SPTLC2: variants seen among roughly 807,000 people sequenced by gnomAD.
SPTLC2 encodes the protein serine palmitoyltransferase 2.
A neutral mutation model predicts 62.0 loss-of-function variants in SPTLC2; 21 were observed. The ratio of observed to expected loss-of-function variants is 0.34; its 90% CI spans 0.24 to 0.49. SPTLC2 has a LOEUF of 0.49. Among genes scored for constraint, SPTLC2 ranks in the 20% least tolerant of loss-of-function variants. SPTLC2 has a pLI of 0.99. For missense variants in SPTLC2, 511 were observed against 713.0 expected (o/e 0.72, Z 3.23); for synonymous variants, 261 against 261.8 (o/e 1.00, Z 0.03).
chr14:77,548,745 C>T (rs1566776370), intron 9 of SPTLC2, among the ~76,000 whole-genome samples: 2 of 152,036 alleles, frequency 1.3e-5, no homozygotes, highest in Non-Finnish European at 2.9e-5. Flanking sequence ...AGGATAGAAA[C>T]TGGAGGGGAA....
At chr14:77,543,954 T>A (rs1488629481) in intron 9 of SPTLC2, among the ~76,000 whole-genome samples, 2 of 152,030 alleles carry the variant, frequency 1.3e-5, no homozygotes, top group African/African-American at 2.4e-5. Flanking sequence ...TCAATTACCA[T>A]CAATCAGTAG....
chr14:77,572,098 T>A (rs2079687173), intron 4 of SPTLC2, among the ~76,000 whole-genome samples: 1 of 152,228 alleles, frequency 6.6e-6, no homozygotes, highest in African/African-American at 2.4e-5. Flanking sequence ...GAGCACTTTA[T>A]AAAATATCAA....
At chr14:77,608,420 T>C (rs1269805489) in intron 1 of SPTLC2, among the ~76,000 whole-genome samples, 1 of 152,180 alleles carries the variant, frequency 6.6e-6, no homozygotes, top group Non-Finnish European at 1.5e-5. Context: ...GAAATAAAAC[T>C]GTATTCAACA....
intron 3 of SPTLC2, among the ~76,000 whole-genome samples, chr14:77,577,473 T>C (rs1332619491): frequency 6.6e-6 from 1 of 152,168 alleles, no homozygotes; most frequent in East Asian, 1.9e-4. Context: ...GATTTTGAGA[T>C]TATTAACACA....
At chr14:77,592,141 CTT>C (rs913202292) in intron 2 of SPTLC2, among the ~76,000 whole-genome samples, 25 of 143,474 alleles carry the variant, frequency 1.7e-4, no homozygotes, top group Admixed American at 1.5e-3. Context: ...TAGTACGCTA[CTT>C]TTTTTTTTTT....
chr14:77,587,759 A>AAAT (rs59005485), intron 2 of SPTLC2, among the ~76,000 whole-genome samples: 9,721 of 145,046 alleles, frequency 0.067, 804 homozygotes, highest in African/African-American at 0.2. Flanking sequence ...CTCTGTCTCA[A>AAAT]AATAATAATA....
chr14:77,599,351 T>A (rs1043920235), intron 1 of SPTLC2, among the ~76,000 whole-genome samples: 1 of 152,218 alleles, frequency 6.6e-6, no homozygotes, highest in East Asian at 1.9e-4. Flanking sequence ...TCTCAGGCAA[T>A]CTGATCAGAG....
chr14:77,515,258 C>T (rs2079352651), intron 11 of SPTLC2, among the ~76,000 whole-genome samples: 1 of 152,178 alleles, frequency 6.6e-6, no homozygotes, highest in South Asian at 2.1e-4. Context: ...TATTCCCTGC[C>T]AGTTCCATAT....
rs956607546 is a variant in SPTLC2, at chr14:77,596,375, T to C, written c.327+811A>G. 6.2e-5 allele frequency among the ~76,000 whole-genome samples: 9 copies of C among 144,024 alleles called. No individual in the cohort carries two copies. The South Asian group carries it at 1.9e-3, about 31-fold the overall frequency. The allele number at this position is 144,024 out of a possible 152,430, so 94.5% of individuals were successfully genotyped here. A position where few individuals can be genotyped will look rare whatever the true frequency, so the allele number is the denominator to read the frequency against. The stretch of plus-strand genomic sequence containing the variant: ...AAAATTAGCCGGGCGTGGTGGCAGG[T>C]GCCTGTAGTCCCAGCTACTTGGGAG... On this transcript the variant is annotated intron_variant, in intron 2 of 11. Transcript: ENST00000216484.
intron 9 of SPTLC2, among the ~76,000 whole-genome samples, chr14:77,531,501 C>CTAG (rs1566770848): frequency 1.0e-5 from 1 of 98,560 alleles, no homozygotes; most frequent in Non-Finnish European, 2.1e-5. Flanking sequence ...CCTCCTCCTC[C>CTAG]TCCTCCTCTT....
intron 5 of SPTLC2, among the ~76,000 whole-genome samples, chr14:77,567,957 A>T (rs1459793802): frequency 1.3e-5 from 2 of 150,948 alleles, no homozygotes; most frequent in Admixed American, 1.3e-4. Flanking sequence ...ATTTTGGATT[A>T]TTTGCATTAT....
At chr14:77,589,977 CA>C (rs760780304) in intron 2 of SPTLC2, among the ~76,000 whole-genome samples, 58,118 of 120,616 alleles carry the variant, frequency 0.48, 12,393 homozygotes, top group Admixed American at 0.55. Context: ...GACCCTGTCT[CA>C]AAAAAAAAAA....
At chr14:77,549,693 C>T (rs2079546289) in intron 9 of SPTLC2, among the ~76,000 whole-genome samples, 1 of 152,176 alleles carries the variant, frequency 6.6e-6, no homozygotes, top group Non-Finnish European at 1.5e-5. Context: ...AATCAGATGG[C>T]TGTTGTGTCA....
chr14:77,531,499 TCCTCC>T (rs2079440247), intron 9 of SPTLC2, among the ~76,000 whole-genome samples: 6 of 82,422 alleles, frequency 7.3e-5, no homozygotes, highest in Admixed American at 3.4e-4. Context: ...CTCCTCCTCC[TCCTCC>T]TCCTCTTCTT....
At chr14:77,536,377 T>TC (rs769722638) in intron 9 of SPTLC2, among the ~76,000 whole-genome samples, 70 of 152,218 alleles carry the variant, frequency 4.6e-4, no homozygotes, top group Non-Finnish European at 7.9e-4. Context: ...GTTTTTTTTT[T>TC]CTCTTTATTT....
chr14:77,585,177 G>C (rs1371445281), intron 2 of SPTLC2, among the ~76,000 whole-genome samples: 1 of 152,192 alleles, frequency 6.6e-6, no homozygotes. Context: ...CTGTTGGCTT[G>C]AATGACCTAC....
At chr14:77,561,443 C>T (rs1195538750) in intron 6 of SPTLC2, among the ~76,000 whole-genome samples, 1 of 151,956 alleles carries the variant, frequency 6.6e-6, no homozygotes, top group African/African-American at 2.4e-5. Context: ...AACTCCGTCC[C>T]TACTAAAAAT....
intron 9 of SPTLC2, among the ~76,000 whole-genome samples, chr14:77,533,758 G>A (rs377378815): frequency 2.0e-5 from 3 of 152,130 alleles, no homozygotes; most frequent in Non-Finnish European, 2.9e-5. Context: ...GCAAATGAAC[G>A]TTTAGATTCG....
intron 2 of SPTLC2, among the ~76,000 whole-genome samples, chr14:77,588,996 CAAAAAAAAAAA>C (rs60536883): frequency 1.3e-4 from 10 of 74,614 alleles, no homozygotes; most frequent in East Asian, 4.4e-4. Flanking sequence ...GACCTTGTCT[CAAAAAAAAAAA>C]AAAAAAAAAA....
Sources: allele counts gnomAD v4.1 joint callset (sites outside exome capture counted in the v4.1 genomes callset), GRCh38; gene constraint gnomAD v4.1.1; transcripts MANE v1.5; gene names NCBI Gene and HGNC (gene_info 2026-07-23, HGNC 2026-07-21).